Variants in CYP3A7 observed in about 807,000 individuals in gnomAD.
CYP3A7 encodes the protein cytochrome P450 3A7.
In CYP3A7, 45 loss-of-function variants were observed where a neutral mutation model predicts 55.2. The ratio of observed to expected loss-of-function variants is 0.82; its 90% CI spans 0.64 to 1.05. CYP3A7 has a LOEUF of 1.05. Ranked by LOEUF, CYP3A7 falls within the 50% of genes least tolerant of loss-of-function variation. The pLI is 0.00. For synonymous variants in CYP3A7, 180 were observed against 207.4 expected, an observed-to-expected ratio of 0.87 and a Z score of 1.13; for missense variants, 548 against 605.3, an observed-to-expected ratio of 0.91 and a Z score of 0.99.
intron 6 of CYP3A7, among the ~76,000 whole-genome samples, chr7:99,716,306 G>C (rs1584512083): frequency 6.6e-6 from 1 of 152,104 alleles, no homozygotes; most frequent in African/African-American, 2.4e-5. Flanking sequence ...AGGTGACATT[G>C]CCTGACTACA....
intron 2 of CYP3A7, among the ~76,000 whole-genome samples, chr7:99,726,971 G>A (rs1327925815): frequency 6.6e-6 from 1 of 152,166 alleles, no homozygotes; most frequent in African/African-American, 2.4e-5. Flanking sequence ...TCCTGGGCAT[G>A]GTTGGATACT....
At chr7:99,718,892 T>C (rs779496873) in intron 4 of CYP3A7, among the ~76,000 whole-genome samples, 6 of 152,116 alleles carry the variant, frequency 3.9e-5, no homozygotes, top group Admixed American at 3.3e-4. Flanking sequence ...AAAAACATAA[T>C]ATCATTTACA....
chr7:99,718,318 T>C (rs1331661534), intron 4 of CYP3A7, among the ~76,000 whole-genome samples: 4 of 152,188 alleles, frequency 2.6e-5, no homozygotes, highest in Non-Finnish European at 5.9e-5. Context: ...TTTGAAGAAA[T>C]AATGCGATTC....
intron 2 of CYP3A7, chr7:99,730,423 A>C (rs1030335279): frequency 6.5e-6 from 1 of 152,840 alleles, no homozygotes; most frequent in Non-Finnish European, 1.5e-5. Context: ...AAAGGAAAAG[A>C]AGTAAAGCAG....
chr7:99,710,680 T>A, intron 10 of CYP3A7, 52 bp downstream of exon 10: 1 of 1,613,292 alleles, frequency 6.2e-7, no homozygotes, highest in Non-Finnish European at 8.5e-7. Context: ...TGAGGAAGCA[T>A]CTTTGCTAAG....
chr7:99,707,388 T>C (rs1439057318), intron 12 of CYP3A7, among the ~76,000 whole-genome samples: 1 of 152,232 alleles, frequency 6.6e-6, no homozygotes, highest in Non-Finnish European at 1.5e-5. Flanking sequence ...AGCTCCCTGG[T>C]GATTCCAATG....
At chr7:99,722,247 A>T in intron 3 of CYP3A7, 49 bp downstream of exon 3, 1 of 1,611,314 alleles carries the variant, frequency 6.2e-7, no homozygotes, top group Non-Finnish European at 8.5e-7. Flanking sequence ...AGTGGGGTAA[A>T]CTCATCATAG....
Position 99,706,809 on chromosome 7 carries a change from T to C in CYP3A7, c.1416+1003A>G, listed in dbSNP as rs1285812072. On this transcript the variant is annotated intron_variant, in intron 12 of 12. Transcript: ENST00000336374. The stretch of plus-strand genomic sequence containing the variant: ...TGCAAACCAATCGACTGCATATCAC[T>C]CCTTAAACATTTACCAAATGACCAA... Among the ~76,000 whole-genome samples the C allele has an allele frequency of 2.0e-5, 3 of 152,322 alleles. No individual in the cohort carries two copies. In the East Asian group the frequency reaches 5.8e-4, roughly 29 times the overall value.
rs1813477160 is a variant in CYP3A7, at chr7:99,705,293, T to C, written c.*207A>G. 1.8e-6 allele frequency: 1 copy of C among 540,744 alleles called. No individual in the cohort carries two copies. Among genetic ancestry groups the C allele is most frequent in the Admixed American group, 3.3e-5 (1 of 30,726 alleles). 33.5% of individuals were successfully genotyped at this position (540,744 alleles called of 1,614,324 possible). ...GCCAAATCTACTTCCCCAGCACTGATTTGGTCATCTCCTCTATATTACCAA... is the reference window on the plus strand; with the variant it reads ...GCCAAATCTACTTCCCCAGCACTGACTTGGTCATCTCCTCTATATTACCAA... On this transcript the variant is annotated 3_prime_UTR_variant, in exon 13 of 13. Transcript: ENST00000336374.
At chr7:99,730,751 G>A (rs1814579905) in intron 2 of CYP3A7, 1 of 330,524 alleles carries the variant, frequency 3.0e-6, no homozygotes, top group Non-Finnish European at 5.7e-6. Flanking sequence ...TACCTTCCTG[G>A]GAACCTGCCT....
chr7:99,710,930 C>A (rs1813725787), intron 9 of CYP3A7, 38 bp from the exon 10 acceptor site: 1 of 1,612,932 alleles, frequency 6.2e-7, no homozygotes, highest in Non-Finnish European at 8.5e-7. Flanking sequence ...TAAATCAGGT[C>A]AATGTAGGGC....
chr7:99,720,342 C>G lies in CYP3A7; in HGVS notation c.289G>C (p.Glu97Gln). Residue 97 changes from glutamate (E) to glutamine (Q), a missense_variant, in exon 4 of 13, where the codon GAA becomes CAA. Physicochemically the swap from Glu to Gln is conservative, Grantham distance 29 (BLOSUM62 2). Coordinates refer to ENST00000336374, the MANE Select transcript of CYP3A7 (RefSeq NM_000765.5). ...PDMIKTVLVK[E>Q]CYSVFTNRRP... ...CGGTTTGTGAAGACAGAATAACATT[C>G]TTTCACTAGCACTGTTTTGATCATG... is the stretch of plus-strand genomic sequence containing the variant. 6.2e-7 allele frequency: 1 copy of G among 1,613,526 alleles called. No homozygotes were observed. Among genetic ancestry groups the G allele is most frequent in the Non-Finnish European group, 8.5e-7 (1 of 1,179,748 alleles).
intron 1 of CYP3A7, among the ~76,000 whole-genome samples, chr7:99,731,578 G>T (rs1814622384): frequency 6.6e-6 from 1 of 152,156 alleles, no homozygotes. Flanking sequence ...CAGTGATGAT[G>T]AGATTTTGCA....
In CYP3A7 at chr7:99,717,206, T is replaced by C. The variant is rs1444834777; in HGVS notation, c.492A>G (p.Ala164=). Residue 164 remains alanine (A), a synonymous_variant, in exon 6 of 13, where the codon GCA becomes GCG. Coordinates refer to ENST00000336374, the MANE Select transcript of CYP3A7 (RefSeq NM_000765.5). ...TCAAGGTGACAGGCTTGCCTGTCTC[T>C]GCTTCCCGCCTCAGATTTCTCACCA... is the stretch of plus-strand genomic sequence containing the variant. The part of the protein sequence containing the change: ...DVLVRNLRRE[A]ETGKPVTLKH... 1 of 1,613,950 alleles carries C rather than the reference T, an allele frequency of 6.2e-7. No homozygotes were observed.
chr7:99,717,131 A>T (rs1192428024), intron 6 of CYP3A7, 46 bp downstream of exon 6: 7 of 1,610,622 alleles, frequency 4.3e-6, no homozygotes, highest in Non-Finnish European at 5.9e-6. Flanking sequence ...AGGCAGCTGG[A>T]GGGGCTCATG....
intron 10 of CYP3A7, 138 bp downstream of exon 10, chr7:99,710,594 T>G (rs1813710597): frequency 2.0e-6 from 3 of 1,480,152 alleles, no homozygotes; most frequent in Non-Finnish European, 1.8e-6. Flanking sequence ...CTTCTTTTTA[T>G]TTTGAGAGCC....
intron 2 of CYP3A7, 116 bp downstream of exon 2, chr7:99,730,943 A>C: frequency 2.2e-6 from 3 of 1,374,130 alleles, no homozygotes; most frequent in Non-Finnish European, 3.0e-6. Flanking sequence ...CCTACACGCT[A>C]TTTCTGAAAG....
rs1813869365 is a variant in CYP3A7 at position 99,714,643 on chromosome 7, T to C, written c.710A>G (p.Asn237Ser). The C allele has an allele frequency of 6.2e-7, 1 of 1,613,156 alleles. No homozygotes were observed. The highest frequency in any genetic ancestry group is 8.5e-7 in the Non-Finnish European group (1 of 1,179,556). ...AACTTTTCTTGGAAACACAGTGATA[T>C]TTAATGCTTCAAGAATTGGGGTAAG... ...PFLTPILEAL[N>S]ITVFPRKVIS... The change falls in exon 8 of 13, where the codon AAT becomes AGT. Residue 237 changes from asparagine (N) to serine (S), a missense_variant. Physicochemically the swap from Asn to Ser is conservative, Grantham distance 46. Transcript: ENST00000336374.
In CYP3A7 at chr7:99,735,159, G is replaced by T; in HGVS notation, c.-66C>A. 2.5e-6 allele frequency: 4 copies of T among 1,601,698 alleles called. No individual in the cohort carries two copies. In the South Asian group the frequency reaches 3.3e-5, roughly 13 times the overall value. ...TTCAGCAGCGTGCTGCTGTTTGCTG[G>T]GCTGTGTGTGTGGAGCTTTCCTGCC... is the stretch of plus-strand genomic sequence containing the variant. On this transcript the variant is annotated 5_prime_UTR_variant, in exon 1 of 13. Coordinates refer to ENST00000336374, the MANE Select transcript of CYP3A7 (RefSeq NM_000765.5).
Sources: gnomAD v4.1 joint callset for allele counts (sites outside exome capture counted in the v4.1 genomes callset) on GRCh38, gnomAD v4.1.1 for gene constraint, MANE v1.5 for transcripts, NCBI Gene and HGNC (gene_info 2026-07-23, HGNC 2026-07-21) for gene names.